The following HYCC1 variants were observed in gnomAD, a reference collection of about 807,000 sequenced individuals.
HYCC1 encodes hyccin PI4KA lipid kinase complex subunit 1, also known as hyccin.
At chr7:22,925,546 G>A in the HYCC1 span, among the ~76,000 whole-genome samples, 3 of 152,236 alleles carry the variant, frequency 2.0e-5, no homozygotes, top group South Asian at 2.1e-4. Flanking sequence ...CACAAGCCTC[G>A]GTAACCAATG....
At chr7:22,998,494 TA>T in the HYCC1 span, among the ~76,000 whole-genome samples, 1 of 152,194 alleles carries the variant, frequency 6.6e-6, no homozygotes, top group African/African-American at 2.4e-5. Flanking sequence ...AAATAAAAAT[TA>T]TATAACATAA....
At chr7:22,967,727 G>C in the HYCC1 span, among the ~76,000 whole-genome samples, 1 of 152,090 alleles carries the variant, frequency 6.6e-6, no homozygotes, top group Non-Finnish European at 1.5e-5. Context: ...GGGTAGGTTT[G>C]GAGTCATATC....
At chr7:22,992,922 G>A in the HYCC1 span, among the ~76,000 whole-genome samples, 1 of 151,900 alleles carries the variant, frequency 6.6e-6, no homozygotes, top group Admixed American at 6.6e-5. Context: ...AACAGTCAAG[G>A]GCTGTCTTGA....
the HYCC1 span, among the ~76,000 whole-genome samples, chr7:22,909,997 A>G: frequency 1.4e-3 from 206 of 152,316 alleles, no homozygotes; most frequent in African/African-American, 4.7e-3. Flanking sequence ...TGAATTACAT[A>G]CGGACATGAC....
the HYCC1 span, chr7:23,014,006 T>C: frequency 8.5e-6 from 4 of 470,966 alleles, no homozygotes; most frequent in Admixed American, 9.4e-5. Flanking sequence ...CTCTGCTTCC[T>C]CCCGAGTAGC....
At chr7:23,007,990 A>T in the HYCC1 span, among the ~76,000 whole-genome samples, 1 of 152,136 alleles carries the variant, frequency 6.6e-6, no homozygotes, top group East Asian at 1.9e-4. Flanking sequence ...AGGCATTTCC[A>T]TTTAAATGAG....
At chr7:22,945,814 C>G in the HYCC1 span, 9 of 1,613,670 alleles carry the variant, frequency 5.6e-6, no homozygotes, top group Admixed American at 1.7e-5. Context: ...TAAATACAGT[C>G]GCTGCGGTCT....
chr7:23,002,855 C>T, the HYCC1 span, among the ~76,000 whole-genome samples: 1 of 152,122 alleles, frequency 6.6e-6, no homozygotes, highest in Non-Finnish European at 1.5e-5. Flanking sequence ...AGTCTAAGAT[C>T]AAGATTCAGG....
the HYCC1 span, among the ~76,000 whole-genome samples, chr7:22,911,689 C>A: frequency 6.6e-6 from 1 of 152,094 alleles, no homozygotes; most frequent in South Asian, 2.1e-4. Flanking sequence ...ACCTGGGAGG[C>A]GGAGGTTGCA....
At chr7:22,898,069 T>C in the HYCC1 span, among the ~76,000 whole-genome samples, 2 of 151,958 alleles carry the variant, frequency 1.3e-5, no homozygotes, top group Non-Finnish European at 2.9e-5. Context: ...TTTTTAAAGA[T>C]AGGGTCTTGC....
the HYCC1 span, among the ~76,000 whole-genome samples, chr7:22,913,702 G>A: frequency 6.6e-6 from 1 of 152,110 alleles, no homozygotes; most frequent in Non-Finnish European, 1.5e-5. Context: ...CTATAAAACT[G>A]CCACACCTCT....
the HYCC1 span, among the ~76,000 whole-genome samples, chr7:22,969,769 C>A: frequency 2.6e-4 from 39 of 152,140 alleles, no homozygotes; most frequent in African/African-American, 8.0e-4. Context: ...AGTGATCTAC[C>A]CACATCGGCC....
the HYCC1 span, among the ~76,000 whole-genome samples, chr7:22,950,388 C>G: frequency 6.6e-6 from 1 of 151,976 alleles, no homozygotes; most frequent in Non-Finnish European, 1.5e-5. Flanking sequence ...CATCTAGTCA[C>G]TACTATGTAT....
At chr7:22,916,413 AC>A in the HYCC1 span, among the ~76,000 whole-genome samples, 3 of 152,068 alleles carry the variant, frequency 2.0e-5, no homozygotes, top group African/African-American at 7.2e-5. Context: ...TCCTTAAAAA[AC>A]AGCCCTAAAA....
chr7:22,964,532 C>G, the HYCC1 span: 1 of 1,517,224 alleles, frequency 6.6e-7, no homozygotes, highest in Non-Finnish European at 9.1e-7. Flanking sequence ...AACACAGATT[C>G]TAGAAAAACC....
the HYCC1 span, among the ~76,000 whole-genome samples, chr7:22,965,254 A>C: frequency 1.3e-5 from 2 of 152,100 alleles, no homozygotes; most frequent in African/African-American, 4.8e-5. Flanking sequence ...AGGATCCAAA[A>C]AAATTCTATA....
chr7:22,912,448 A>G, the HYCC1 span, among the ~76,000 whole-genome samples: 2 of 152,166 alleles, frequency 1.3e-5, no homozygotes, highest in Non-Finnish European at 2.9e-5. Flanking sequence ...ATTCCAGGAG[A>G]GTATAGCCAG....
the HYCC1 span, among the ~76,000 whole-genome samples, chr7:22,989,674 T>C: frequency 6.6e-6 from 1 of 152,136 alleles, no homozygotes; most frequent in African/African-American, 2.4e-5. Flanking sequence ...TATTAAAATA[T>C]GTAGAAAGCA....
the HYCC1 span, among the ~76,000 whole-genome samples, chr7:22,930,445 A>G: frequency 6.6e-6 from 1 of 151,792 alleles, no homozygotes; most frequent in African/African-American, 2.4e-5. Flanking sequence ...GAACAGATCT[A>G]TAAAAGTAAA....
Sources: allele counts gnomAD v4.1 joint callset (sites outside exome capture counted in the v4.1 genomes callset), GRCh38; gene constraint gnomAD v4.1.1; transcripts MANE v1.5; gene names NCBI Gene and HGNC (gene_info 2026-07-23, HGNC 2026-07-21).